GFOD2: variants seen among roughly 807,000 people sequenced by gnomAD.
GFOD2 encodes Gfo/Idh/MocA-like oxidoreductase domain containing 2.
In GFOD2, 9 loss-of-function variants were observed where a neutral mutation model predicts 24.6. The ratio of observed to expected loss-of-function variants is 0.37; its 90% CI spans 0.22 to 0.64. The LOEUF is 0.64. Ranked by LOEUF, GFOD2 falls within the 30% of genes least tolerant of loss-of-function variation. GFOD2 has a pLI of 0.65. For synonymous variants in GFOD2, 211 were observed against 224.8 expected, an observed-to-expected ratio of 0.94 and a Z score of 0.55; for missense variants, 476 against 532.5, an observed-to-expected ratio of 0.89 and a Z score of 1.04.
At chr16:67,697,815 T>C (rs2053369202) in intron 1 of GFOD2, among the ~76,000 whole-genome samples, 1 of 152,204 alleles carries the variant, frequency 6.6e-6, no homozygotes, top group African/African-American at 2.4e-5. Flanking sequence ...GTCTCACCTT[T>C]TCTGAGGAGC....
chr16:67,706,469 C>A (rs1014853937), intron 1 of GFOD2, among the ~76,000 whole-genome samples: 2 of 152,160 alleles, frequency 1.3e-5, no homozygotes, highest in African/African-American at 4.8e-5. Context: ...AAAAATTCTT[C>A]TTAAGAAATG....
intron 1 of GFOD2, among the ~76,000 whole-genome samples, chr16:67,704,105 C>T (rs923919698): frequency 2.6e-5 from 4 of 152,166 alleles, no homozygotes; most frequent in South Asian, 4.1e-4. Flanking sequence ...AGTGAATGCT[C>T]GGGTTGCTTC....
chr16:67,682,934 T>C (rs966598353), intron 2 of GFOD2: 142 of 647,534 alleles, frequency 2.2e-4, no homozygotes, highest in African/African-American at 3.2e-4. Context: ...AGAGATTCAG[T>C]AGGTTTGGAG....
chr16:67,715,141 C>G (rs753587643), intron 1 of GFOD2, among the ~76,000 whole-genome samples: 5 of 152,084 alleles, frequency 3.3e-5, no homozygotes, highest in Non-Finnish European at 5.9e-5. Context: ...TTACTGCAAC[C>G]TCTGCCTCCC....
intron 1 of GFOD2, among the ~76,000 whole-genome samples, chr16:67,715,806 A>T (rs1442603713): frequency 7.1e-6 from 1 of 140,826 alleles, no homozygotes; most frequent in Non-Finnish European, 1.5e-5. Context: ...CTAGAATTGG[A>T]CCCCCTGTTA....
At position 67,695,638 on chromosome 16, in the gene GFOD2, C is replaced by T. The variant is rs539119056; in HGVS notation, c.-87-9836G>A. 1.1e-4 allele frequency among the ~76,000 whole-genome samples: 16 copies of T among 151,006 alleles called. No homozygotes were observed. The East Asian group carries it at 1.4e-3, about 13-fold the overall frequency. On this transcript the variant is annotated intron_variant, in intron 1 of 2. Transcript: ENST00000268797. The stretch of plus-strand genomic sequence containing the variant: ...GCAACCTCAGCCTCCTGGGTTCAAG[C>T]GGTTCTCCTGTCTCAGCCTCCCGAG...
At chr16:67,697,807 C>A (rs979682525) in intron 1 of GFOD2, among the ~76,000 whole-genome samples, 2 of 152,156 alleles carry the variant, frequency 1.3e-5, no homozygotes, top group Non-Finnish European at 2.9e-5. Flanking sequence ...TGGTCAATGT[C>A]TCACCTTTTC....
At chr16:67,699,700 T>C (rs899364965) in intron 1 of GFOD2, among the ~76,000 whole-genome samples, 7 of 151,530 alleles carry the variant, frequency 4.6e-5, no homozygotes, top group African/African-American at 1.7e-4. Flanking sequence ...GCCAGGCTGG[T>C]CTCAAACTCC....
intron 1 of GFOD2, among the ~76,000 whole-genome samples, chr16:67,699,114 G>A (rs568769472): frequency 7.9e-5 from 12 of 152,194 alleles, no homozygotes; most frequent in Middle Eastern, 3.4e-3. Flanking sequence ...AGGCCAAGGC[G>A]GGCGGATCAT....
chr16:67,683,878 TA>T, intron 2 of GFOD2: 1 of 1,174,594 alleles, frequency 8.5e-7, no homozygotes, highest in Non-Finnish European at 1.1e-6. Flanking sequence ...TTACCTCACA[TA>T]AAACAGTTAC....
intron 1 of GFOD2, among the ~76,000 whole-genome samples, chr16:67,691,627 C>T (rs769491100): frequency 6.6e-5 from 10 of 151,990 alleles, no homozygotes; most frequent in South Asian, 2.1e-4. Flanking sequence ...ATCTTCCCTC[C>T]TCTGTAAATC....
chr16:67,700,174 G>A (rs961301602), intron 1 of GFOD2, among the ~76,000 whole-genome samples: 26 of 152,078 alleles, frequency 1.7e-4, no homozygotes, highest in African/African-American at 4.3e-4. Flanking sequence ...AGGAGTTTGC[G>A]ACCAGCCTGG....
chr16:67,702,740 T>C (rs977123154), intron 1 of GFOD2, among the ~76,000 whole-genome samples: 4 of 151,586 alleles, frequency 2.6e-5, no homozygotes. Flanking sequence ...GCTGGGATCA[T>C]AGGCATGTGC....
chr16:67,676,314 A>G, intron 2 of GFOD2: 1 of 445,766 alleles, frequency 2.2e-6, no homozygotes. Context: ...TTTTTTTTGT[A>G]GAGATGGGGT....
intron 1 of GFOD2, among the ~76,000 whole-genome samples, chr16:67,699,762 G>A (rs2053387693): frequency 6.6e-6 from 1 of 151,514 alleles, no homozygotes; most frequent in Non-Finnish European, 1.5e-5. Context: ...GGGGTAACAG[G>A]AGCAAGCCAC....
chr16:67,707,357 C>CAA (rs1220107900), intron 1 of GFOD2, among the ~76,000 whole-genome samples: 6 of 80,492 alleles, frequency 7.5e-5, no homozygotes, highest in South Asian at 3.8e-4. Flanking sequence ...AACTCCATTT[C>CAA]AAAAAAAAAA....
At chr16:67,681,823 T>C (rs2053227347) in intron 2 of GFOD2, 1 of 985,210 alleles carries the variant, frequency 1.0e-6, no homozygotes, top group Non-Finnish European at 1.2e-6. Flanking sequence ...TGGGTAGCCA[T>C]GAAAGACATG....
intron 1 of GFOD2, among the ~76,000 whole-genome samples, chr16:67,714,366 C>A (rs1263713253): frequency 6.6e-6 from 1 of 151,198 alleles, no homozygotes; most frequent in Non-Finnish European, 1.5e-5. Context: ...GTAATCCCAG[C>A]TACTCGGGAG....
intron 2 of GFOD2, chr16:67,682,934 T>A: frequency 1.5e-6 from 1 of 647,652 alleles, no homozygotes; most frequent in South Asian, 6.9e-5. Context: ...AGAGATTCAG[T>A]AGGTTTGGAG....
Sources: allele counts gnomAD v4.1 joint callset (sites outside exome capture counted in the v4.1 genomes callset), GRCh38; gene constraint gnomAD v4.1.1; transcripts MANE v1.5; gene names NCBI Gene and HGNC (gene_info 2026-07-23, HGNC 2026-07-21).